The following TBC1D28 variants were observed in gnomAD, a reference collection of about 807,000 sequenced individuals.
TBC1D28 encodes the protein TBC1 domain family member 28.
A neutral mutation model predicts 29.2 loss-of-function variants in TBC1D28; 20 were observed. The ratio of observed to expected loss-of-function variants is 0.68; its 90% CI spans 0.48 to 0.99. The LOEUF (loss-of-function observed/expected upper bound fraction) is 0.99. TBC1D28 is among the 50% of genes least tolerant of loss of function. The pLI is 0.00. For missense variants in TBC1D28, 205 were observed against 243.7 expected (o/e 0.84, Z 1.06); for synonymous variants, 65 against 90.9 (o/e 0.71, Z 1.62).
chr17:18,637,958 C>T lies in TBC1D28; in HGVS notation c.403G>A (p.Gly135Ser), dbSNP rs780341654. The stretch of plus-strand genomic sequence containing the variant: ...TGGATGATTCTGGAGGACCTCTTGC[C>T]CTTCTCCTTCATGACCTGTAGGGCG... The change falls in exon 8 of 9, where the codon GGC (glycine) becomes AGC (serine). Residue 135 changes from glycine (G) to serine (S), a missense_variant. Physicochemically the swap from Gly to Ser is moderately conservative, Grantham distance 56. Coordinates refer to ENST00000345096, the Ensembl canonical transcript of TBC1D28. 4 of 1,602,670 alleles carry T rather than the reference C, an allele frequency of 2.5e-6. No homozygotes were observed. The East Asian group carries it at 6.7e-5, about 27-fold the overall frequency.
At chr17:18,638,483 C>T (rs773694147) in intron 6 of TBC1D28, 63 bp from the exon 8 acceptor site, 921 of 1,596,350 alleles carry the variant, frequency 5.8e-4, no homozygotes, top group Non-Finnish European at 6.9e-4. Flanking sequence ...GGAAAGCTGG[C>T]GAACAGGCCT....
chr17:18,643,750 A>G (rs1293961142), upstream of TBC1D28, among the ~76,000 whole-genome samples: 6 of 152,210 alleles, frequency 3.9e-5, no homozygotes, highest in Admixed American at 3.9e-4. Flanking sequence ...AACTGCCCAC[A>G]GGCAGAGGGC....
downstream of TBC1D28, among the ~76,000 whole-genome samples, chr17:18,634,807 C>CG (rs1232136109): frequency 2.1e-4 from 31 of 146,618 alleles, no homozygotes; most frequent in African/African-American, 7.4e-4. Flanking sequence ...GCCCCTCAGC[C>CG]CCTCAGCCGC....
chr17:18,638,587 A>G, intron 6 of TBC1D28, 34 bp downstream of exon 7: 1 of 1,613,962 alleles, frequency 6.2e-7, no homozygotes, highest in East Asian at 2.2e-5. Context: ...CTCTGCAGAG[A>G]GCAGTCACGG....
chr17:18,634,691 G>A (rs1195756942), downstream of TBC1D28, among the ~76,000 whole-genome samples: 1 of 152,242 alleles, frequency 6.6e-6, no homozygotes, highest in Non-Finnish European at 1.5e-5. Flanking sequence ...GAGCCCACGA[G>A]GTTCACAGTA....
At chr17:18,641,380 C>T (rs577199646) in intron 2 of TBC1D28, 27 bp from the exon 4 acceptor site, 7 of 1,607,686 alleles carry the variant, frequency 4.4e-6, no homozygotes, top group Non-Finnish European at 6.0e-6. Context: ...TCCCAAGGCT[C>T]TCCCGCACCC....
At chr17:18,641,415 CA>C (rs1212365995) in intron 2 of TBC1D28, 62 bp from the exon 4 acceptor site, 1 of 1,057,884 alleles carries the variant, frequency 9.5e-7, no homozygotes, top group East Asian at 2.4e-5. Flanking sequence ...ACAGCCAAAC[CA>C]CACGCACTGC....
exon 9 of TBC1D28, chr17:18,635,031 G>C (rs1240261501): frequency 6.6e-6 from 1 of 152,472 alleles, no homozygotes; most frequent in African/African-American, 2.4e-5. Flanking sequence ...ACTCGCGCGC[G>C]GTGGGCAGGG....
chr17:18,638,515 G>T (rs2151716649), intron 6 of TBC1D28, 95 bp from the exon 8 acceptor site: 5 of 1,505,434 alleles, frequency 3.3e-6, no homozygotes, highest in Middle Eastern at 3.5e-4. Context: ...GCAAGGATGG[G>T]GTACCACCCA....
upstream of TBC1D28, among the ~76,000 whole-genome samples, chr17:18,643,244 G>C (rs529173827): frequency 6.6e-6 from 1 of 152,104 alleles, no homozygotes; most frequent in Non-Finnish European, 1.5e-5. Flanking sequence ...TCATTAGGGG[G>C]AACTCAGCTA....
At chr17:18,642,941 G>A (rs1345889631), upstream of TBC1D28, 1 of 152,320 alleles carries the variant, frequency 6.6e-6, no homozygotes, top group African/African-American at 2.4e-5. Flanking sequence ...AGAGGGCCCA[G>A]AGTCGGTGTC....
At chr17:18,644,289 C>T (rs1419064226), upstream of TBC1D28, 2 of 151,988 alleles carry the variant, frequency 1.3e-5, no homozygotes, top group East Asian at 3.9e-4. Context: ...GTCACACTCA[C>T]CTGAGTCAGT....
chr17:18,641,576 C>T (rs1296172645), intron 2 of TBC1D28, 56 bp downstream of exon 3: 12 of 603,136 alleles, frequency 2.0e-5, no homozygotes, highest in African/African-American at 5.6e-5. Flanking sequence ...TTTGAGCACA[C>T]GGGGACCTGA....
At chr17:18,640,888 G>C in intron 4 of TBC1D28, 134 bp downstream of exon 5, 1 of 379,124 alleles carries the variant, frequency 2.6e-6, no homozygotes, top group Non-Finnish European at 4.5e-6. Context: ...GGAGAGCCTG[G>C]GAGGAGTTCT....
In TBC1D28 at chr17:18,639,159, A is replaced by T. The variant is rs2031652081; in HGVS notation, c.198+16T>A. 6.2e-7 allele frequency: 1 copy of T among 1,610,228 alleles called. No individual in the cohort carries two copies. Among genetic ancestry groups the T allele is most frequent in the Non-Finnish European group, 8.5e-7 (1 of 1,179,046 alleles). On this transcript the variant is annotated intron_variant, in intron 5 of 8. Coordinates refer to ENST00000345096, the Ensembl canonical transcript of TBC1D28. ...TCCCTGAAGCAGCCTCCCACGCAGC[A>T]GGCACAGGCTCTTACCTTCACCTCC...
chr17:18,638,815 G>A (rs1489726809), intron 5 of TBC1D28, 114 bp from the exon 7 acceptor site: 1 of 1,364,386 alleles, frequency 7.3e-7, no homozygotes, highest in Non-Finnish European at 1.0e-6. Flanking sequence ...AAGAAGCCAG[G>A]AAAGGGCAGG....
intron 8 of TBC1D28, among the ~76,000 whole-genome samples, chr17:18,637,618 CTT>C (rs923837630): frequency 6.7e-6 from 1 of 149,436 alleles, no homozygotes; most frequent in Non-Finnish European, 1.5e-5. Context: ...CTGCATGACT[CTT>C]TTTTTTTCTG....
upstream of TBC1D28, chr17:18,642,492 GTCCA>G (rs1202686916): frequency 6.6e-6 from 1 of 152,028 alleles, no homozygotes; most frequent in East Asian, 1.9e-4. Context: ...CAAAGCTCAA[GTCCA>G]GCATGGCAAA....
intron 4 of TBC1D28, among the ~76,000 whole-genome samples, chr17:18,640,405 C>T (rs2031709399): frequency 2.0e-5 from 3 of 146,682 alleles, no homozygotes; most frequent in Admixed American, 6.8e-5. Flanking sequence ...CATGAGGGGC[C>T]GGCTTCAGGC....
Sources: allele counts gnomAD v4.1 joint callset (sites outside exome capture counted in the v4.1 genomes callset), GRCh38; gene constraint gnomAD v4.1.1; transcripts MANE v1.5; gene names NCBI Gene and HGNC (gene_info 2026-07-23, HGNC 2026-07-21).